SULT2B1: variants seen among roughly 807,000 people sequenced by gnomAD.
The protein encoded by SULT2B1 is sulfotransferase 2B1.
Under a neutral mutation model 33.2 loss-of-function variants are expected in SULT2B1, and 16 were observed. The ratio of observed to expected loss-of-function variants is 0.48; its 90% confidence interval spans 0.33 to 0.73. The LOEUF is 0.73. Among genes scored for constraint, SULT2B1 ranks in the 30% least tolerant of loss-of-function variants. The probability of loss-of-function intolerance (pLI) is 0.02; values close to 1 mark genes in which losing one functional copy is unlikely to be tolerated. For synonymous variants in SULT2B1, 186 were observed against 200.5 expected (o/e 0.93, Z 0.61); for missense variants, 500 against 506.0 (o/e 0.99, Z 0.11).
At chr19:48,567,145 G>A (rs149636563) in intron 1 of SULT2B1, among the ~76,000 whole-genome samples, 1 of 152,038 alleles carries the variant, frequency 6.6e-6, no homozygotes, top group African/African-American at 2.4e-5. Context: ...GTTGTTTCTG[G>A]CCTCTCTTGG....
At chr19:48,563,075 T>A (rs1568403630) in intron 1 of SULT2B1, among the ~76,000 whole-genome samples, 1 of 151,966 alleles carries the variant, frequency 6.6e-6, no homozygotes, top group Non-Finnish European at 1.5e-5. Context: ...AAATATAAAA[T>A]TTTATTAAAA....
chr19:48,565,808 G>A (rs950113926), intron 1 of SULT2B1, among the ~76,000 whole-genome samples: 2 of 152,032 alleles, frequency 1.3e-5, no homozygotes, highest in African/African-American at 2.4e-5. Flanking sequence ...TGTCACCTAA[G>A]TGGTACAACC....
chr19:48,557,042 G>GA (rs1035447143), intron 1 of SULT2B1, among the ~76,000 whole-genome samples: 9 of 151,908 alleles, frequency 5.9e-5, no homozygotes, highest in Admixed American at 1.3e-4. Flanking sequence ...TTGAGGCCAG[G>GA]AGTTCAAGAC....
At chr19:48,561,752 CGT>C (rs1169566378) in intron 1 of SULT2B1, among the ~76,000 whole-genome samples, 2 of 152,142 alleles carry the variant, frequency 1.3e-5, no homozygotes, top group Admixed American at 1.3e-4. Flanking sequence ...TCGAACCTAA[CGT>C]GTGTTCCCCA....
intron 1 of SULT2B1, among the ~76,000 whole-genome samples, chr19:48,574,558 T>C (rs1457457652): frequency 6.6e-6 from 1 of 152,216 alleles, no homozygotes; most frequent in Non-Finnish European, 1.5e-5. Flanking sequence ...GATCAAAGAC[T>C]AAAATAATGC....
At position 48,560,686 on chromosome 19, in the gene SULT2B1, C is replaced by T. The variant is rs961775102; in HGVS notation, c.71+8363C>T. ...TTCAAAAACTGTCAATGAGGCTGGGCGTGGTGGCTCATGCCTATAATCCCA... is the reference window on the plus strand; with the variant it reads ...TTCAAAAACTGTCAATGAGGCTGGGTGTGGTGGCTCATGCCTATAATCCCA... On this transcript the variant is annotated intron_variant, in intron 1 of 6. Coordinates refer to ENST00000201586, the MANE Select transcript of SULT2B1 (RefSeq NM_177973.2). Among the ~76,000 whole-genome samples, 5 of 152,246 alleles carry T rather than the reference C, an allele frequency of 3.3e-5. No individual in the cohort carries two copies. The East Asian group carries it at 7.7e-4, about 24-fold the overall frequency.
chr19:48,575,260 C>A (rs975359728), intron 1 of SULT2B1, among the ~76,000 whole-genome samples: 1 of 150,522 alleles, frequency 6.6e-6, no homozygotes, highest in Non-Finnish European at 1.5e-5. Flanking sequence ...AGGTGCCCAC[C>A]ACCACACCTG....
intron 2 of SULT2B1, among the ~76,000 whole-genome samples, chr19:48,583,871 T>G (rs1973527207): frequency 6.6e-6 from 1 of 151,110 alleles, no homozygotes; most frequent in South Asian, 2.1e-4. Context: ...CCCAGCACTT[T>G]GGGAGGCTGA....
At chr19:48,578,164 G>C (rs1182307727) in intron 2 of SULT2B1, among the ~76,000 whole-genome samples, 1 of 151,792 alleles carries the variant, frequency 6.6e-6, no homozygotes, top group Non-Finnish European at 1.5e-5. Flanking sequence ...AGTGAGCTGC[G>C]ATCACACCAC....
chr19:48,577,015 C>T (rs1973421480), intron 2 of SULT2B1, among the ~76,000 whole-genome samples: 1 of 144,358 alleles, frequency 6.9e-6, no homozygotes, highest in African/African-American at 2.5e-5. Context: ...GGCAAAATGG[C>T]AAACCCCCCT....
intron 1 of SULT2B1, among the ~76,000 whole-genome samples, chr19:48,574,167 G>A (rs577451766): frequency 1.3e-5 from 2 of 152,272 alleles, no homozygotes; most frequent in Non-Finnish European, 2.9e-5. Flanking sequence ...CAGCCCTTGA[G>A]GAGTTTTCAA....
intron 3 of SULT2B1, 43 bp downstream of exon 3, chr19:48,587,480 G>A (rs755621388): frequency 1.2e-6 from 2 of 1,601,008 alleles, no homozygotes; most frequent in Admixed American, 3.3e-5. Context: ...GGCTGCATGG[G>A]TGTATGGGGT....
intron 3 of SULT2B1, among the ~76,000 whole-genome samples, chr19:48,589,118 C>A (rs568319591): frequency 2.6e-5 from 4 of 152,146 alleles, no homozygotes; most frequent in Non-Finnish European, 5.9e-5. Flanking sequence ...CCGGGAAGCC[C>A]GAGAGGCGGC....
At chr19:48,592,300 T>C (rs996840436) in intron 4 of SULT2B1, among the ~76,000 whole-genome samples, 41 of 149,468 alleles carry the variant, frequency 2.7e-4, no homozygotes, top group African/African-American at 9.8e-4. Flanking sequence ...TCAAAAAAAA[T>C]AAAAAATAAA....
intron 1 of SULT2B1, among the ~76,000 whole-genome samples, chr19:48,556,492 G>A (rs931364430): frequency 1.3e-5 from 2 of 152,042 alleles, no homozygotes; most frequent in Admixed American, 1.3e-4. Flanking sequence ...GGTGGCTTCA[G>A]GAGAGTAAGG....
At chr19:48,565,797 C>T (rs1973236499) in intron 1 of SULT2B1, among the ~76,000 whole-genome samples, 1 of 152,038 alleles carries the variant, frequency 6.6e-6, no homozygotes, top group African/African-American at 2.4e-5. Context: ...GGATCTTGCC[C>T]TGTCACCTAA....
intron 5 of SULT2B1, among the ~76,000 whole-genome samples, chr19:48,593,537 G>A (rs554309659): frequency 6.6e-6 from 1 of 152,162 alleles, no homozygotes; most frequent in East Asian, 1.9e-4. Context: ...GGGCGACAGA[G>A]CAAGACCTTG....
chr19:48,594,469 G>A (rs956944104), intron 5 of SULT2B1, among the ~76,000 whole-genome samples: 1 of 152,144 alleles, frequency 6.6e-6, no homozygotes, highest in Non-Finnish European at 1.5e-5. Flanking sequence ...TCCAGAAGAG[G>A]TGTCGGTGCT....
At chr19:48,568,847 A>C (rs1005334481) in intron 1 of SULT2B1, among the ~76,000 whole-genome samples, 2 of 151,776 alleles carry the variant, frequency 1.3e-5, no homozygotes, top group Admixed American at 1.3e-4. Flanking sequence ...CCCCAGCTCC[A>C]GTCCCACTCA....
Sources: allele counts gnomAD v4.1 joint callset (sites outside exome capture counted in the v4.1 genomes callset), GRCh38; gene constraint gnomAD v4.1.1; transcripts MANE v1.5; gene names NCBI Gene and HGNC (gene_info 2026-07-23, HGNC 2026-07-21).